The following ZNF627 variants were observed in gnomAD, a reference collection of about 807,000 sequenced individuals.
ZNF627 encodes the protein zinc finger protein 627.
A neutral mutation model predicts 10.6 loss-of-function variants in ZNF627; 12 were observed. That is an observed-to-expected ratio of 1.13 (90% CI 0.73 to 1.84). The LOEUF (loss-of-function observed/expected upper bound fraction) is 1.84, where lower values mean the gene tolerates loss of function less well. ZNF627 is among the 40% of genes most tolerant of loss of function. The pLI, the probability that ZNF627 is intolerant of heterozygous loss-of-function variation, is 0.00. For synonymous variants in ZNF627, 176 were observed against 187.1 expected, an observed-to-expected ratio of 0.94 and a Z score of 0.48; for missense variants, 504 against 568.4, an observed-to-expected ratio of 0.89 and a Z score of 1.15.
intron 1 of ZNF627, among the ~76,000 whole-genome samples, chr19:11,601,992 T>C (rs1201766548): frequency 2.6e-5 from 3 of 114,448 alleles, no homozygotes; most frequent in Admixed American, 1.2e-4. Flanking sequence ...GGCGACAGAG[T>C]GAGACTCTGT....
Position 11,614,548 on chromosome 19 carries a change from G to A in ZNF627, c.25G>A (p.Val9Met). The A allele has an allele frequency of 6.2e-7, 1 of 1,613,922 alleles. No homozygotes were observed. Among genetic ancestry groups the A allele is most frequent in the Non-Finnish European group, 8.5e-7 (1 of 1,179,962 alleles). MDSVAFEDVAVNFTLEEWA... is the reference protein window; with the variant it reads MDSVAFEDMAVNFTLEEWA... Reference sequence around the variant, plus strand: ...TCAGGATTCAGTGGCCTTTGAGGATGTGGCTGTGAACTTCACCCTGGAGGA... The same window carrying A: ...TCAGGATTCAGTGGCCTTTGAGGATATGGCTGTGAACTTCACCCTGGAGGA... Residue 9 changes from valine to methionine, a missense_variant, in exon 2 of 4, where the codon GTG becomes ATG. Coordinates refer to ENST00000361113, the MANE Select transcript of ZNF627 (RefSeq NM_145295.4).
chr19:11,601,664 A>G (rs868506092), intron 1 of ZNF627, among the ~76,000 whole-genome samples: 1 of 152,072 alleles, frequency 6.6e-6, no homozygotes, highest in Non-Finnish European at 1.5e-5. Context: ...GACAGGAATG[A>G]CTATTCTAAA....
intron 1 of ZNF627, among the ~76,000 whole-genome samples, chr19:11,606,000 T>C (rs1271244574): frequency 6.6e-6 from 1 of 152,114 alleles, no homozygotes; most frequent in East Asian, 1.9e-4. Flanking sequence ...AGAGGCCCTA[T>C]GCAAGTCCCA....
intron 1 of ZNF627, among the ~76,000 whole-genome samples, chr19:11,606,639 TC>T (rs1311548036): frequency 6.6e-6 from 1 of 152,208 alleles, no homozygotes; most frequent in Non-Finnish European, 1.5e-5. Flanking sequence ...GGGCTCCAGT[TC>T]CCACATTTCT....
At chr19:11,601,259 T>C (rs1021578051) in intron 1 of ZNF627, among the ~76,000 whole-genome samples, 1 of 152,246 alleles carries the variant, frequency 6.6e-6, no homozygotes, top group African/African-American at 2.4e-5. Context: ...ATGTACTTGC[T>C]ATTATCTTGG....
At position 11,614,645 on chromosome 19, in the gene ZNF627, C is replaced by T; in HGVS notation, c.122C>T (p.Ala41Val). The change falls in exon 2 of 4, where the codon GCT (alanine) becomes GTT (valine). Residue 41 changes from alanine (A) to valine (V), a missense_variant. Ala to Val is a moderately conservative substitution (Grantham distance 64). Coordinates refer to ENST00000361113, the MANE Select transcript of ZNF627 (RefSeq NM_145295.4). The stretch of plus-strand genomic sequence containing the variant: ...ATGCGGGAAACCTTCAGGAACCTGG[C>T]TTCTGTAGGTAAGGGTGACAATATT... ...DVMRETFRNL[A>V]SVGKQWEDQN... is the part of the protein sequence containing the mutation. 1.2e-6 allele frequency: 2 copies of T among 1,613,830 alleles called. No individual in the cohort carries two copies. Among genetic ancestry groups the T allele is most frequent in the Non-Finnish European group, 8.5e-7 (1 of 1,179,982 alleles).
rs118050267 is a variant in ZNF627, at chr19:11,607,966, C to T, written c.4-6561C>T. On this transcript the variant is annotated intron_variant, in intron 1 of 3. Transcript: ENST00000361113. ...AATTTACTATATTAGTCCATTCTTG[C>T]GCTGTGAATAAATACATACCTGAGA... Among the ~76,000 whole-genome samples the T allele has an allele frequency of 9.5e-3, 1,442 of 152,236 alleles. 14 individuals carry two copies. The highest frequency in any genetic ancestry group is 0.016 in the Non-Finnish European group (1,055 of 68,020).
At position 11,618,017 on chromosome 19, in the gene ZNF627, T is replaced by C. The variant is rs1973910431; in HGVS notation, c.*128T>C. ...AGAAAGACCCTGTAAGATAATTGGC[T>C]TTAAATTACGAGAGACTTGTGATAG... On this transcript the variant is annotated 3_prime_UTR_variant, in exon 4 of 4. Transcript: ENST00000361113. 1.3e-6 allele frequency: 1 copy of C among 777,834 alleles called. No individual in the cohort carries two copies. Among genetic ancestry groups the C allele is most frequent in the African/African-American group, 1.8e-5 (1 of 56,758 alleles). 48.2% of individuals were successfully genotyped at this position (777,834 alleles called of 1,614,324 possible). A position where few individuals can be genotyped will look rare whatever the true frequency, so the allele number is the denominator to read the frequency against.
intron 1 of ZNF627, among the ~76,000 whole-genome samples, chr19:11,600,181 A>G (rs1973560706): frequency 6.6e-6 from 1 of 152,006 alleles, no homozygotes; most frequent in Non-Finnish European, 1.5e-5. Context: ...TGGCTCACGC[A>G]TGTAATCCCA....
Position 11,616,675 on chromosome 19 carries a change from C to G in ZNF627, c.192-20C>G. On this transcript the variant is annotated intron_variant, in intron 3 of 3. Transcript: ENST00000361113. Reference sequence around the variant, plus strand: ...TTATAAACAAAACATTAATAATGTACTTCTCATTTTTCTGACAAGTCATAT... The same window carrying G: ...TTATAAACAAAACATTAATAATGTAGTTCTCATTTTTCTGACAAGTCATAT... The G allele has an allele frequency of 2.0e-6, 3 of 1,468,206 alleles. No homozygotes were observed. The South Asian group carries it at 4.0e-5, about 20-fold the overall frequency. 90.9% of individuals were successfully genotyped at this position (1,468,206 alleles called of 1,614,324 possible).
Position 11,612,985 on chromosome 19 carries a change from T to C in ZNF627, c.4-1542T>C, listed in dbSNP as rs373157101. On this transcript the variant is annotated intron_variant, in intron 1 of 3. Coordinates refer to ENST00000361113, the MANE Select transcript of ZNF627 (RefSeq NM_145295.4). ...CATCTTTGTACTCATGTCATCACCA[T>C]TTTTTGAAAAGTATTTTTTTCCAAT... Among the ~76,000 whole-genome samples the C allele has an allele frequency of 9.3e-5, 14 of 151,238 alleles. No individual in the cohort carries two copies. In the East Asian group the frequency reaches 2.7e-3, roughly 30 times the overall value.
intron 1 of ZNF627, among the ~76,000 whole-genome samples, chr19:11,612,766 A>AT (rs900575216): frequency 1.8e-4 from 26 of 142,190 alleles, no homozygotes; most frequent in Admixed American, 3.5e-4. Flanking sequence ...TCCCAGAACC[A>AT]TTTTTTTTTT....
intron 3 of ZNF627, 111 bp downstream of exon 3, chr19:11,614,998 G>A (rs1206838416): frequency 2.5e-5 from 21 of 847,376 alleles, no homozygotes; most frequent in South Asian, 3.6e-5. Flanking sequence ...CCAGGCTGGA[G>A]TGCAGTGGCA....
rs145117329 is a variant in ZNF627 at position 11,597,891 on chromosome 19, C to T, written c.3+261C>T. Among the ~76,000 whole-genome samples the T allele has an allele frequency of 2.9e-3, 436 of 152,354 alleles. 2 individuals carry two copies. The highest frequency in any genetic ancestry group is 0.01 in the African/African-American group (419 of 41,588). ...GCGGGAGGGTCATGGGGGTATCCCTCCTCGGATGTGGTTCGTGTTGCAGGA... is the reference window on the plus strand; with the variant it reads ...GCGGGAGGGTCATGGGGGTATCCCTTCTCGGATGTGGTTCGTGTTGCAGGA... On this transcript the variant is annotated intron_variant, in intron 1 of 3. Transcript: ENST00000361113.
At chr19:11,610,756 C>T (rs183566629) in intron 1 of ZNF627, among the ~76,000 whole-genome samples, 14 of 152,314 alleles carry the variant, frequency 9.2e-5, no homozygotes, top group Admixed American at 9.2e-4. Context: ...TTTAGATCAA[C>T]AAACTTATGG....
At position 11,617,818 on chromosome 19, in the gene ZNF627, A is replaced by G; in HGVS notation, c.1315A>G (p.Lys439Glu). The G allele has an allele frequency of 6.2e-7, 1 of 1,607,722 alleles. No individual in the cohort carries two copies. The highest frequency in any genetic ancestry group is 1.1e-5 in the South Asian group (1 of 90,160). ...ATCCACTTACTTTCGAGTACATGAA[A>G]AAATTCATACTGGAGAGAAACCCTA... ...SRSTYFRVHEKIHTGEKPYEN... is the reference protein window; with the variant it reads ...SRSTYFRVHEEIHTGEKPYEN... The change falls in exon 4 of 4, where the codon AAA (lysine) becomes GAA (glutamate). Residue 439 changes from lysine (K) to glutamate (E), a missense_variant. By Grantham distance (56) the Lys-to-Glu change is moderately conservative. Transcript: ENST00000361113.
At position 11,597,679 on chromosome 19, in the gene ZNF627, G is replaced by A. The variant is rs1187506461; in HGVS notation, c.3+49G>A. ...CCCAGACCTGGGGGAGGGGCTGGTT[G>A]GAACCGGCCGGAACCGGCTGTGGAG... On this transcript the variant is annotated intron_variant, in intron 1 of 3. Coordinates refer to ENST00000361113, the MANE Select transcript of ZNF627 (RefSeq NM_145295.4). 1.7e-5 allele frequency: 22 copies of A among 1,328,096 alleles called. No homozygotes were observed. The East Asian group carries it at 6.1e-4, about 37-fold the overall frequency. The allele number at this position is 1,328,096 out of a possible 1,614,324, so 82.3% of individuals were successfully genotyped here.
rs530672697 is a variant in ZNF627 at position 11,607,572 on chromosome 19, A to G, written c.4-6955A>G. Among the ~76,000 whole-genome samples, 105 of 152,334 alleles carry G rather than the reference A, an allele frequency of 6.9e-4. 2 individuals carry two copies. The highest frequency in any genetic ancestry group is 2.3e-3 in the African/African-American group (95 of 41,584). ...ATCTCTCACAAGTTCAAAGTTCCACAGATCTCTAGGGCAGGGGCAAAATGC... is the reference window on the plus strand; with the variant it reads ...ATCTCTCACAAGTTCAAAGTTCCACGGATCTCTAGGGCAGGGGCAAAATGC... On this transcript the variant is annotated intron_variant, in intron 1 of 3. Transcript: ENST00000361113.
At chr19:11,615,526 T>C (rs563388060) in intron 3 of ZNF627, among the ~76,000 whole-genome samples, 57 of 148,040 alleles carry the variant, frequency 3.9e-4, no homozygotes, top group African/African-American at 1.3e-3. Flanking sequence ...ACGGCGTGAA[T>C]TGGGAGGCAG....
Sources: allele counts gnomAD v4.1 joint callset (sites outside exome capture counted in the v4.1 genomes callset), GRCh38; gene constraint gnomAD v4.1.1; transcripts MANE v1.5; gene names NCBI Gene and HGNC (gene_info 2026-07-23, HGNC 2026-07-21).